The following KAZN variants were observed in gnomAD, a reference collection of about 807,000 sequenced individuals.
KAZN encodes the protein kazrin.
Under a neutral mutation model 87.4 loss-of-function variants are expected in KAZN, and 40 were observed. That is an observed-to-expected ratio of 0.46 (90% CI 0.36 to 0.60). The LOEUF (loss-of-function observed/expected upper bound fraction) is 0.60, where lower values mean the gene tolerates loss of function less well. Ranked by LOEUF, KAZN falls within the 20% of genes least tolerant of loss-of-function variation. The probability of loss-of-function intolerance (pLI) is 0.00; values close to 1 mark genes in which losing one functional copy is unlikely to be tolerated. For missense variants in KAZN, 898 were observed against 1,073.9 expected (o/e 0.84, Z 2.29); for synonymous variants, 466 against 458.3 (o/e 1.02, Z -0.22).
intron 2 of KAZN, among the ~76,000 whole-genome samples, chr1:14,497,265 A>G (rs1669991565): frequency 6.7e-6 from 1 of 149,304 alleles, no homozygotes; most frequent in South Asian, 2.2e-4. Context: ...TATAAGAGAT[A>G]TAAGAGAATG....
intron 1 of KAZN, among the ~76,000 whole-genome samples, chr1:14,685,509 T>A (rs1336142792): frequency 6.6e-6 from 1 of 152,202 alleles, no homozygotes; most frequent in Non-Finnish European, 1.5e-5. Context: ...TGGCAGTGTC[T>A]TCTACAGAGG....
intron 1 of KAZN, among the ~76,000 whole-genome samples, chr1:14,851,246 T>A (rs1649399431): frequency 6.6e-6 from 1 of 152,158 alleles, no homozygotes. Flanking sequence ...TCTTATCACA[T>A]TGAGCCTGGG....
intron 2 of KAZN, among the ~76,000 whole-genome samples, chr1:14,528,701 A>G (rs1422942464): frequency 7.1e-6 from 1 of 141,242 alleles, no homozygotes; most frequent in Non-Finnish European, 1.5e-5. Context: ...GTGGGCCATG[A>G]TGGTGCCACT....
chr1:14,883,318 A>AAGAGAGAGAGAGAGAGAGAG (rs1219653139), intron 1 of KAZN, among the ~76,000 whole-genome samples: 28 of 38,590 alleles, frequency 7.3e-4, no homozygotes, highest in Middle Eastern at 0.014. Context: ...GAAAGAAAGA[A>AAGAGAGAGAGAGAGAGAGAG]AGAGAGAGAG....
chr1:14,489,736 A>AAATAAT (rs57610968), intron 2 of KAZN, among the ~76,000 whole-genome samples: 8,994 of 144,424 alleles, frequency 0.062, 297 homozygotes, highest in African/African-American at 0.094. Flanking sequence ...TCTGTCTTAA[A>AAATAAT]AATAATAATA....
intron 2 of KAZN, among the ~76,000 whole-genome samples, chr1:14,961,764 CT>C (rs1348759580): frequency 7.2e-5 from 11 of 152,330 alleles, no homozygotes; most frequent in Admixed American, 5.2e-4. Flanking sequence ...AATGAATCCT[CT>C]TTAAAAATGT....
chr1:15,050,159 G>GGAATAGAATGGAATA (rs1674196080), intron 4 of KAZN, among the ~76,000 whole-genome samples: 1 of 131,238 alleles, frequency 7.6e-6, no homozygotes, highest in East Asian at 2.1e-4. Context: ...AGAATAGAAT[G>GGAATAGAATGGAATA]GAATAGAATA....
At position 14,769,527 on chromosome 1, in the gene KAZN, T is replaced by C. The variant is rs1224675827; in HGVS notation, c.226+170304T>C. ...CCACCACCACGCCCGGCTAATTTTGTATTTTTAGTAGAGACAGGGTTTCAC... is the reference window on the plus strand; with the variant it reads ...CCACCACCACGCCCGGCTAATTTTGCATTTTTAGTAGAGACAGGGTTTCAC... On this transcript the variant is annotated intron_variant, in intron 1 of 14. Transcript: ENST00000376030. The surrounding 1 kb of genome is among the most constrained non-coding windows in gnomAD (Gnocchi z 4.1). Among the ~76,000 whole-genome samples the C allele has an allele frequency of 6.6e-6, 1 of 152,110 alleles. No individual in the cohort carries two copies. The highest frequency in any genetic ancestry group is 1.5e-5 in the Non-Finnish European group (1 of 68,022).
intron 1 of KAZN, among the ~76,000 whole-genome samples, chr1:14,036,306 C>T (rs1304173912): frequency 6.6e-6 from 1 of 152,140 alleles, no homozygotes; most frequent in African/African-American, 2.4e-5. Context: ...GATGCTAACT[C>T]AGTTCTGGAG....
At chr1:14,068,220 A>G (rs1159969813) in intron 1 of KAZN, among the ~76,000 whole-genome samples, 1 of 152,216 alleles carries the variant, frequency 6.6e-6, no homozygotes, top group East Asian at 1.9e-4. Flanking sequence ...CAACCACCAC[A>G]TTAAACTTAG....
intron 1 of KAZN, among the ~76,000 whole-genome samples, chr1:14,785,427 T>C (rs573268747): frequency 2.6e-5 from 4 of 152,230 alleles, no homozygotes; most frequent in African/African-American, 9.6e-5. Context: ...AGAACAAATA[T>C]GGCGCCAAAT....
chr1:14,841,275 G>A (rs1647950663), intron 1 of KAZN, among the ~76,000 whole-genome samples: 1 of 151,806 alleles, frequency 6.6e-6, no homozygotes, highest in Non-Finnish European at 1.5e-5. Context: ...CGTGGTGGTG[G>A]GTGCCTATGG....
intron 1 of KAZN, among the ~76,000 whole-genome samples, chr1:14,896,891 C>T (rs530568331): frequency 6.6e-6 from 1 of 152,280 alleles, no homozygotes; most frequent in South Asian, 2.1e-4. Context: ...TCTGACTCTT[C>T]CACTTACTAG....
chr1:14,000,984 G>A (rs10803444), intron 1 of KAZN, among the ~76,000 whole-genome samples: 21,317 of 150,512 alleles, frequency 0.14, 1,594 homozygotes, highest in Middle Eastern at 0.22. Flanking sequence ...GGGTTTCACC[G>A]TTTTAGCCGG....
chr1:13,908,674 A>G (rs1639535563), intron 1 of KAZN, among the ~76,000 whole-genome samples: 1 of 152,008 alleles, frequency 6.6e-6, no homozygotes, highest in Non-Finnish European at 1.5e-5. Flanking sequence ...TTGCAGAAGA[A>G]CCCTTTGCCA....
At chr1:13,990,396 A>G (rs534383440) in intron 1 of KAZN, among the ~76,000 whole-genome samples, 1 of 152,320 alleles carries the variant, frequency 6.6e-6, no homozygotes, top group South Asian at 2.1e-4. Flanking sequence ...TATCATAAAC[A>G]TTATGATGAG....
chr1:14,070,431 T>C (rs1470301330), intron 1 of KAZN, among the ~76,000 whole-genome samples: 1 of 152,028 alleles, frequency 6.6e-6, no homozygotes, highest in Admixed American at 6.6e-5. Flanking sequence ...AATTCAGTAG[T>C]GGTGAAATAA....
intron 2 of KAZN, among the ~76,000 whole-genome samples, chr1:14,474,532 C>A (rs546058226): frequency 2.6e-5 from 4 of 152,130 alleles, no homozygotes; most frequent in African/African-American, 9.7e-5. Context: ...AACAGTTGAC[C>A]GGCATAGCTG....
intron 2 of KAZN, among the ~76,000 whole-genome samples, chr1:14,549,189 T>G (rs924364116): frequency 6.6e-6 from 1 of 152,198 alleles, no homozygotes; most frequent in Non-Finnish European, 1.5e-5. Context: ...TCATGTTGTT[T>G]TAGTTTCTGT....
Sources: gnomAD v4.1 joint callset for allele counts (sites outside exome capture counted in the v4.1 genomes callset) on GRCh38, gnomAD v4.1.1 for gene constraint, Gnocchi (gnomAD v3.1) non-coding constraint, MANE v1.5 for transcripts, NCBI Gene and HGNC (gene_info 2026-07-23, HGNC 2026-07-21) for gene names.